PRKD3: variants seen among roughly 807,000 people sequenced by gnomAD.
The protein encoded by PRKD3 is protein kinase D3.
A neutral mutation model predicts 99.2 loss-of-function variants in PRKD3; 47 were observed. The observed-to-expected ratio is 0.47, with a 90% CI of 0.38 to 0.60. PRKD3 has a LOEUF of 0.60. Among genes scored for constraint, PRKD3 ranks in the 20% least tolerant of loss-of-function variants. The pLI, the probability that PRKD3 is intolerant of heterozygous loss-of-function variation, is 0.00. For missense variants in PRKD3, 1,019 were observed against 1,088.4 expected, an observed-to-expected ratio of 0.94 and a Z score of 0.90; for synonymous variants, 392 against 355.4, an observed-to-expected ratio of 1.10 and a Z score of -1.16.
At chr2:37,318,526 G>A (rs187873920) in intron 1 of PRKD3, among the ~76,000 whole-genome samples, 3 of 152,304 alleles carry the variant, frequency 2.0e-5, no homozygotes, top group East Asian at 1.9e-4. Context: ...ACTATTTCTC[G>A]AAGAGAACAA....
At chr2:37,276,134 G>A (rs980470348) in intron 9 of PRKD3, among the ~76,000 whole-genome samples, 2 of 151,946 alleles carry the variant, frequency 1.3e-5, no homozygotes, top group African/African-American at 4.8e-5. Context: ...ATATATATAT[G>A]ACACATACAC....
Position 37,274,552 on chromosome 2 carries a change from T to G in PRKD3, c.1520A>C (p.Asn507Thr). 1 of 1,614,078 alleles carries G rather than the reference T, an allele frequency of 6.2e-7. No individual in the cohort carries two copies. The highest frequency in any genetic ancestry group is 1.1e-5 in the South Asian group (1 of 91,070). Residue 507 changes from asparagine to threonine, a missense_variant, in exon 11 of 19, where the codon AAT (asparagine) becomes ACT (threonine). Coordinates refer to ENST00000234179, the MANE Select transcript of PRKD3 (RefSeq NM_005813.6). ...VGENNGDSSH[N>T]PVLAATGVGL... Reference sequence around the variant, plus strand: ...AACTCCAGTGGCAGCAAGAACAGGATTATGAGAGCTGTCCCCATTGTTCTC... The same window carrying G: ...AACTCCAGTGGCAGCAAGAACAGGAGTATGAGAGCTGTCCCCATTGTTCTC...
At chr2:37,299,906 G>A (rs1208350940) in intron 2 of PRKD3, among the ~76,000 whole-genome samples, 2 of 152,146 alleles carry the variant, frequency 1.3e-5, no homozygotes, top group Non-Finnish European at 2.9e-5. Flanking sequence ...AGGATGCAAA[G>A]AAAGGGGAAT....
intron 2 of PRKD3, among the ~76,000 whole-genome samples, chr2:37,298,114 A>G (rs1261496444): frequency 2.6e-5 from 4 of 152,200 alleles, no homozygotes; most frequent in Non-Finnish European, 5.9e-5. Context: ...ACTTTCAGAT[A>G]TAATATGTAC....
chr2:37,313,818 TCA>T (rs1671547855), intron 2 of PRKD3, among the ~76,000 whole-genome samples: 1 of 152,124 alleles, frequency 6.6e-6, no homozygotes, highest in African/African-American at 2.4e-5. Flanking sequence ...TAGGATAAAC[TCA>T]CAGCAGATTG....
chr2:37,260,235 G>T lies in PRKD3; in HGVS notation c.2034C>A (p.Phe678Leu). ...KSRLPERITK[F>L]MVTQILVALR... ...GGAGTTAAAATACCTGTGTGACCAT[G>T]AATTTAGTAATTCGTTCTGGAAGCC... The change falls in exon 15 of 19, where the codon TTC (phenylalanine) becomes TTA (leucine). Residue 678 changes from phenylalanine (F) to leucine (L), a missense_variant. By Grantham distance (22) the Phe-to-Leu change is conservative. Transcript: ENST00000234179. 1.2e-6 allele frequency: 2 copies of T among 1,607,456 alleles called. No individual in the cohort carries two copies. Among genetic ancestry groups the T allele is most frequent in the East Asian group, 4.5e-5 (2 of 44,790 alleles).
In PRKD3 at chr2:37,251,181, G is replaced by A. The variant is rs184889611; in HGVS notation, c.*1996C>T. ...CTGGGAAGTCATCCTCTATCACAGG[G>A]AAAATAACATTTCTAAAAAAAAATT... On this transcript the variant is annotated 3_prime_UTR_variant, in exon 19 of 19. Transcript: ENST00000234179. 5.9e-3 allele frequency: 893 copies of A among 152,560 alleles called. 3 individuals carry two copies. The highest frequency in any genetic ancestry group is 0.01 in the Non-Finnish European group (696 of 67,972). The allele number at this position is 152,560 out of a possible 1,614,324, so 9.5% of individuals were successfully genotyped here. A position where few individuals can be genotyped will look rare whatever the true frequency, so the allele number is the denominator to read the frequency against.
chr2:37,316,144 G>T (rs1671644787), intron 2 of PRKD3, 93 bp downstream of exon 2: 7 of 1,230,866 alleles, frequency 5.7e-6, no homozygotes, highest in Non-Finnish European at 1.1e-6. Context: ...ACTACTGATG[G>T]ATCAGTATGT....
At chr2:37,324,339 C>A (rs764962461) in intron 1 of PRKD3, 125 of 492,306 alleles carry the variant, frequency 2.5e-4, no homozygotes, top group Non-Finnish European at 3.1e-4. Context: ...GGGCCGGGCG[C>A]GGTGGTCTCC....
intron 9 of PRKD3, 47 bp from the exon 10 acceptor site, chr2:37,275,891 C>T: frequency 1.9e-6 from 3 of 1,578,482 alleles, no homozygotes; most frequent in Non-Finnish European, 2.6e-6. Context: ...AATGATTCCT[C>T]CAAAGTGCTT....
At chr2:37,311,986 A>G (rs1671445758) in intron 2 of PRKD3, among the ~76,000 whole-genome samples, 1 of 152,232 alleles carries the variant, frequency 6.6e-6, no homozygotes, top group Non-Finnish European at 1.5e-5. Context: ...TTGCAACTAC[A>G]TGCATCGAGT....
At chr2:37,308,692 T>G (rs1249858510) in intron 2 of PRKD3, among the ~76,000 whole-genome samples, 1 of 152,156 alleles carries the variant, frequency 6.6e-6, no homozygotes, top group South Asian at 2.1e-4. Flanking sequence ...TGACCTCAGG[T>G]GATCCACCCA....
chr2:37,294,668 T>A (rs535717479), intron 2 of PRKD3, among the ~76,000 whole-genome samples: 3 of 152,294 alleles, frequency 2.0e-5, no homozygotes, highest in South Asian at 4.1e-4. Context: ...CATTTAAATT[T>A]TAAAATTAAA....
chr2:37,286,087 G>T, intron 6 of PRKD3, 90 bp downstream of exon 6: 3 of 1,075,404 alleles, frequency 2.8e-6, no homozygotes, highest in South Asian at 2.0e-5. Flanking sequence ...AATTTCTTTG[G>T]CTAATGCTTC....
intron 16 of PRKD3, among the ~76,000 whole-genome samples, chr2:37,257,359 T>C (rs1240092694): frequency 6.6e-6 from 1 of 152,062 alleles, no homozygotes; most frequent in African/African-American, 2.4e-5. Context: ...CAATGTTTGC[T>C]GAAGGAAAAA....
intron 2 of PRKD3, among the ~76,000 whole-genome samples, chr2:37,297,258 C>G (rs982990321): frequency 6.6e-6 from 1 of 151,952 alleles, no homozygotes; most frequent in African/African-American, 2.4e-5. Context: ...GAGGAATAGG[C>G]GGCGAACACC....
chr2:37,264,450 A>G (rs1203165213), intron 14 of PRKD3, among the ~76,000 whole-genome samples: 3 of 149,050 alleles, frequency 2.0e-5, no homozygotes, highest in Non-Finnish European at 4.5e-5. Flanking sequence ...GGGAAATAAA[A>G]TAGTAAATTA....
intron 12 of PRKD3, among the ~76,000 whole-genome samples, chr2:37,271,547 G>A (rs1375496568): frequency 6.6e-6 from 1 of 152,194 alleles, no homozygotes; most frequent in African/African-American, 2.4e-5. Context: ...ACTGTTTGCG[G>A]CCTGTTAGGA....
intron 5 of PRKD3, among the ~76,000 whole-genome samples, chr2:37,288,697 C>G (rs1670236297): frequency 6.6e-6 from 1 of 152,190 alleles, no homozygotes; most frequent in Non-Finnish European, 1.5e-5. Flanking sequence ...TCCACTATCT[C>G]TTACTAATTT....
Sources: allele counts gnomAD v4.1 joint callset (sites outside exome capture counted in the v4.1 genomes callset), GRCh38; gene constraint gnomAD v4.1.1; transcripts MANE v1.5; gene names NCBI Gene and HGNC (gene_info 2026-07-23, HGNC 2026-07-21).